Variants in KCNMA1 observed in about 807,000 individuals in gnomAD.
The protein encoded by KCNMA1 is potassium calcium-activated channel subfamily M alpha 1.
A neutral mutation model predicts 140.0 loss-of-function variants in KCNMA1; 29 were observed. The observed-to-expected ratio is 0.21, with a 90% CI of 0.15 to 0.28. KCNMA1 has a LOEUF of 0.28. KCNMA1 is among the 10% of genes least tolerant of loss of function. KCNMA1 has a pLI of 1.00. For missense variants in KCNMA1, 880 were observed against 1,602.2 expected (o/e 0.55, Z 7.70); for synonymous variants, 612 against 611.9 (o/e 1.00, Z 0.00).
chr10:77,048,849 C>A (rs571795896), intron 14 of KCNMA1, among the ~76,000 whole-genome samples: 56 of 152,126 alleles, frequency 3.7e-4, no homozygotes, highest in Non-Finnish European at 6.6e-4. Flanking sequence ...CAAGCTCCCC[C>A]TCGCGGGTTC....
intron 2 of KCNMA1, among the ~76,000 whole-genome samples, chr10:77,321,601 G>C (rs2082339547): frequency 6.6e-6 from 1 of 152,168 alleles, no homozygotes; most frequent in Non-Finnish European, 1.5e-5. Flanking sequence ...ATTTTTAAAT[G>C]GCATGAGTGT....
chr10:77,521,557 CAG>C (rs1334583538), intron 1 of KCNMA1, among the ~76,000 whole-genome samples: 1 of 152,208 alleles, frequency 6.6e-6, no homozygotes, highest in Non-Finnish European at 1.5e-5. Flanking sequence ...CCATGGATAA[CAG>C]AGAACCTCTT....
intron 17 of KCNMA1, chr10:77,012,584 C>A: frequency 1.3e-6 from 2 of 1,533,686 alleles, no homozygotes; most frequent in African/African-American, 1.4e-5. Context: ...ACGAAAGCCA[C>A]GAGTCAGTGG....
intron 2 of KCNMA1, among the ~76,000 whole-genome samples, chr10:77,315,862 T>TGGA (rs1169691749): frequency 6.6e-6 from 1 of 152,152 alleles, no homozygotes; most frequent in Non-Finnish European, 1.5e-5. Context: ...TTTTCCCCAG[T>TGGA]GGAGGATCCC....
intron 3 of KCNMA1, among the ~76,000 whole-genome samples, chr10:77,202,671 A>C (rs2154157528): frequency 6.6e-6 from 1 of 152,302 alleles, no homozygotes; most frequent in African/African-American, 2.4e-5. Context: ...ATGAATGTCT[A>C]ATTGGTGGAA....
chr10:77,318,648 G>A lies in KCNMA1; in HGVS notation c.541-67392C>T, dbSNP rs147756797. 3.6e-3 allele frequency among the ~76,000 whole-genome samples: 549 copies of A among 152,240 alleles called. 8 individuals are homozygous for A. Among genetic ancestry groups the A allele is most frequent in the African/African-American group, 0.012 (517 of 41,560 alleles). On this transcript the variant is annotated intron_variant, in intron 2 of 27. Transcript: ENST00000286628. ...TGTTTGATAAATAAATGAATTGATG[G>A]TCAGTCCCTACTCACGTCCTAGAAG...
rs538496520 is a variant in KCNMA1 at position 77,579,394 on chromosome 10, T to C, written c.378+57871A>G. ...TAACAAGCTGTCAATCTGTCACAAT[T>C]ACTCAACTCTGCCACGGTAAGCTTG... On this transcript the variant is annotated intron_variant, in intron 1 of 27. Coordinates refer to ENST00000286628, the MANE Select transcript of KCNMA1 (RefSeq NM_001161352.2). 7.2e-5 allele frequency among the ~76,000 whole-genome samples: 11 copies of C among 152,342 alleles called. No individual in the cohort carries two copies. The South Asian group carries it at 2.3e-3, about 32-fold the overall frequency.
At chr10:77,378,113 A>T (rs2095239953) in intron 2 of KCNMA1, among the ~76,000 whole-genome samples, 1 of 152,116 alleles carries the variant, frequency 6.6e-6, no homozygotes, top group Non-Finnish European at 1.5e-5. Context: ...AGTTCTGAAA[A>T]TGCTCTGTGT....
chr10:77,578,276 G>A (rs188269204), intron 1 of KCNMA1, among the ~76,000 whole-genome samples: 121 of 152,294 alleles, frequency 7.9e-4, no homozygotes, highest in African/African-American at 2.8e-3. Flanking sequence ...TGCTCTAAGG[G>A]TCAGAAAACC....
At chr10:77,325,514 C>T (rs150738606) in intron 2 of KCNMA1, among the ~76,000 whole-genome samples, 144 of 152,244 alleles carry the variant, frequency 9.5e-4, no homozygotes, top group African/African-American at 3.2e-3. Context: ...ACATGTTCTC[C>T]GTGTACTTAC....
intron 14 of KCNMA1, among the ~76,000 whole-genome samples, chr10:77,043,923 T>C (rs11001985): frequency 0.023 from 3,459 of 152,304 alleles, 62 homozygotes; most frequent in South Asian, 0.054. Flanking sequence ...ATGGTAGTGA[T>C]GGTCACACAG....
intron 23 of KCNMA1, among the ~76,000 whole-genome samples, chr10:76,937,894 G>T (rs116762440): frequency 0.035 from 5,373 of 151,894 alleles, 269 homozygotes; most frequent in African/African-American, 0.11. Context: ...CGGGAGGAAA[G>T]CTGTGTGTGT....
intron 3 of KCNMA1, among the ~76,000 whole-genome samples, chr10:77,232,243 A>G (rs1203880934): frequency 6.6e-6 from 1 of 152,178 alleles, no homozygotes; most frequent in Non-Finnish European, 1.5e-5. Context: ...TTTTGTGTGG[A>G]CATGTATTTT....
At chr10:77,212,825 C>T (rs1275251670) in intron 3 of KCNMA1, among the ~76,000 whole-genome samples, 1 of 152,124 alleles carries the variant, frequency 6.6e-6, no homozygotes, top group Admixed American at 6.5e-5. Context: ...ATTCCTACTA[C>T]CACACTTCGT....
chr10:77,376,916 T>G (rs2095147716), intron 2 of KCNMA1, among the ~76,000 whole-genome samples: 3 of 150,702 alleles, frequency 2.0e-5, no homozygotes, highest in Admixed American at 1.3e-4. Flanking sequence ...CCAGCCTGGG[T>G]GACAGAGCAA....
intron 14 of KCNMA1, among the ~76,000 whole-genome samples, chr10:77,047,245 C>T (rs2095109955): frequency 6.6e-6 from 1 of 152,150 alleles, no homozygotes; most frequent in South Asian, 2.1e-4. Context: ...TAAACAACTC[C>T]AAATATTAAT....
intron 18 of KCNMA1, among the ~76,000 whole-genome samples, chr10:77,005,189 A>G (rs2088006090): frequency 1.3e-5 from 2 of 152,116 alleles, no homozygotes; most frequent in South Asian, 4.1e-4. Context: ...CCTTTCTCCA[A>G]AAGGAGCAGA....
intron 2 of KCNMA1, among the ~76,000 whole-genome samples, chr10:77,349,106 C>A (rs1173418926): frequency 2.6e-5 from 4 of 152,148 alleles, no homozygotes; most frequent in Non-Finnish European, 4.4e-5. Flanking sequence ...GCCTGCCCAC[C>A]CCCAATTCAT....
intron 24 of KCNMA1, chr10:76,914,611 G>T (rs1327698216): frequency 2.8e-6 from 1 of 357,304 alleles, no homozygotes; most frequent in Admixed American, 4.2e-5. Context: ...AAAATCACCA[G>T]AAAGAATCCG....
Sources: gnomAD v4.1 joint callset for allele counts (sites outside exome capture counted in the v4.1 genomes callset) on GRCh38, gnomAD v4.1.1 for gene constraint, MANE v1.5 for transcripts, NCBI Gene and HGNC (gene_info 2026-07-23, HGNC 2026-07-21) for gene names.